RASA1: variants seen among roughly 807,000 people sequenced by gnomAD.
RASA1 encodes RAS p21 protein activator 1.
Under a neutral mutation model 132.2 loss-of-function variants are expected in RASA1, and 25 were observed. That is an observed-to-expected ratio of 0.19 (90% CI 0.14 to 0.26). The LOEUF (loss-of-function observed/expected upper bound fraction) is 0.26, where lower values mean the gene tolerates loss of function less well. RASA1 is among the 10% of genes least tolerant of loss of function. The pLI is 1.00. For synonymous variants in RASA1, 477 were observed against 449.9 expected, an observed-to-expected ratio of 1.06 and a Z score of -0.76; for missense variants, 964 against 1,299.2, an observed-to-expected ratio of 0.74 and a Z score of 3.97.
Position 87,376,912 on chromosome 5 carries a change from A to G in RASA1, c.2216A>G (p.Tyr739Cys), listed in dbSNP as rs780154946. The change falls in exon 17 of 25, where the codon TAT (tyrosine) becomes TGT (cysteine). Residue 739 changes from tyrosine (Y) to cysteine (C), a missense_variant. Tyr to Cys is a radical substitution (Grantham distance 194). Around this residue, in one of 6 missense-constraint regions of RASA1, gnomAD observed 346 missense variants for 520.1 expected, o/e 0.67. Coordinates refer to ENST00000274376, the MANE Select transcript of RASA1 (RefSeq NM_002890.3). ...LILQKELHVV[Y>C]ALSHVCGQDR... ...CTGCAAAAGGAACTTCATGTAGTCT[A>G]TGCTTTATCACATGTATGTGGACAA... is the stretch of plus-strand genomic sequence containing the variant. 1 of 1,610,042 alleles carries G rather than the reference A, an allele frequency of 6.2e-7. No individual in the cohort carries two copies. Among genetic ancestry groups the G allele is most frequent in the Non-Finnish European group, 8.5e-7 (1 of 1,176,274 alleles).
chr5:87,387,695 G>GCAAA (rs1282074277), intron 23 of RASA1, among the ~76,000 whole-genome samples: 3 of 152,062 alleles, frequency 2.0e-5, no homozygotes, highest in Non-Finnish European at 4.4e-5. Context: ...ACAATTTGTG[G>GCAAA]CAAACAAATC....
At chr5:87,282,016 A>T (rs897095375) in intron 1 of RASA1, among the ~76,000 whole-genome samples, 8 of 152,114 alleles carry the variant, frequency 5.3e-5, no homozygotes, top group African/African-American at 1.7e-4. Flanking sequence ...TTTTGTTGAT[A>T]GTGTCTTTTG....
In RASA1 at chr5:87,341,354, A is replaced by G. The variant is rs762992325; in HGVS notation, c.1049+33A>G. 28 of 1,298,966 alleles carry G rather than the reference A, an allele frequency of 2.2e-5. No homozygotes were observed. The East Asian group carries it at 6.8e-4, about 32-fold the overall frequency. The allele number at this position is 1,298,966 out of a possible 1,614,324, so 80.5% of individuals were successfully genotyped here. A position where few individuals can be genotyped will look rare whatever the true frequency, so the allele number is the denominator to read the frequency against. On this transcript the variant is annotated intron_variant, in intron 6 of 24. Coordinates refer to ENST00000274376, the MANE Select transcript of RASA1 (RefSeq NM_002890.3). ...TGTGTTAATTATTAAAATGAAAAAA[A>G]AAATCTATATTGTAAATTTACTAAT...
chr5:87,305,303 A>G (rs1307669481), intron 1 of RASA1, among the ~76,000 whole-genome samples: 1 of 152,188 alleles, frequency 6.6e-6, no homozygotes, highest in Admixed American at 6.5e-5. Context: ...GAACAGAGAC[A>G]TACACCGATG....
intron 22 of RASA1, among the ~76,000 whole-genome samples, chr5:87,385,877 A>G (rs976009877): frequency 2.0e-5 from 3 of 152,038 alleles, no homozygotes; most frequent in Non-Finnish European, 4.4e-5. Flanking sequence ...CTCTTTCACT[A>G]TTCTTAATAA....
chr5:87,271,485 G>GA (rs1753835669), intron 1 of RASA1, among the ~76,000 whole-genome samples: 1 of 9,886 alleles, frequency 1.0e-4, no homozygotes, highest in Admixed American at 1.3e-3. Context: ...TTTTTTTTTT[G>GA]AGAGATGGAG....
chr5:87,280,980 T>G (rs1375390306), intron 1 of RASA1, among the ~76,000 whole-genome samples: 1 of 152,112 alleles, frequency 6.6e-6, no homozygotes, highest in Non-Finnish European at 1.5e-5. Flanking sequence ...TATCACCTTT[T>G]GTTTACCCAG....
At chr5:87,311,631 A>G (rs1389891035) in intron 1 of RASA1, among the ~76,000 whole-genome samples, 1 of 152,352 alleles carries the variant, frequency 6.6e-6, no homozygotes, top group Non-Finnish European at 1.5e-5. Context: ...TGCCGCTCAC[A>G]GCAGCAGTAT....
chr5:87,369,026 C>A lies in RASA1; in HGVS notation c.1611-787C>A, dbSNP rs78087724. Among the ~76,000 whole-genome samples the A allele has an allele frequency of 7.0e-3, 1,068 of 152,222 alleles. 17 individuals are homozygous for A. The highest frequency in any genetic ancestry group is 0.07 in the South Asian group (336 of 4,822). On this transcript the variant is annotated intron_variant, in intron 11 of 24. Transcript: ENST00000274376. ...CATTCTCAAAGCATGAAAATATAGTCTTTATCTTTAATAAGTGTTAAGCTT... is the reference window on the plus strand; with the variant it reads ...CATTCTCAAAGCATGAAAATATAGTATTTATCTTTAATAAGTGTTAAGCTT...
At chr5:87,314,040 A>G (rs1756127566) in intron 1 of RASA1, among the ~76,000 whole-genome samples, 1 of 152,152 alleles carries the variant, frequency 6.6e-6, no homozygotes. Context: ...GTGGTGGCAC[A>G]TGCCTGTAAT....
chr5:87,366,372 G>T (rs1293100728), intron 11 of RASA1: 1 of 431,396 alleles, frequency 2.3e-6, no homozygotes, highest in South Asian at 1.6e-5. Flanking sequence ...TTGGAAGTCT[G>T]TTGGCACAAT....
chr5:87,371,765 C>T (rs931529021), intron 12 of RASA1, among the ~76,000 whole-genome samples: 4 of 152,038 alleles, frequency 2.6e-5, no homozygotes, highest in African/African-American at 9.7e-5. Context: ...TCAAGTATAA[C>T]AGCTTAATTA....
At chr5:87,274,411 T>A (rs1394497960) in intron 1 of RASA1, among the ~76,000 whole-genome samples, 1 of 152,228 alleles carries the variant, frequency 6.6e-6, no homozygotes, top group East Asian at 1.9e-4. Context: ...TGTCACTGAT[T>A]GCATTATACA....
At chr5:87,354,315 C>T (rs1168340239) in intron 9 of RASA1, among the ~76,000 whole-genome samples, 1 of 152,020 alleles carries the variant, frequency 6.6e-6, no homozygotes, top group Non-Finnish European at 1.5e-5. Flanking sequence ...ACGTCTATTG[C>T]GACTGTTTTT....
At chr5:87,364,502 G>GAT (rs921649734) in intron 11 of RASA1, among the ~76,000 whole-genome samples, 1 of 152,076 alleles carries the variant, frequency 6.6e-6, no homozygotes, top group Non-Finnish European at 1.5e-5. Flanking sequence ...ATTTTACGAA[G>GAT]ATACCCTTTT....
chr5:87,353,363 T>G lies in RASA1; in HGVS notation c.1332+128T>G, dbSNP rs1759423492. 1.9e-5 allele frequency: 15 copies of G among 797,780 alleles called. 1 individual carries two copies. In the South Asian group the frequency reaches 2.4e-4, roughly 13 times the overall value. The allele number at this position is 797,780 out of a possible 1,614,324, so 49.4% of individuals were successfully genotyped here. A position where few individuals can be genotyped will look rare whatever the true frequency, so the allele number is the denominator to read the frequency against. On this transcript the variant is annotated intron_variant, in intron 9 of 24. Transcript: ENST00000274376. ...TTAAAACTACAGATTATTTAGATTT[T>G]TTTAGAAAGTCAACTGTAAGAATCT...
intron 7 of RASA1, 52 bp downstream of exon 7, chr5:87,346,776 A>G (rs765496745): frequency 6.7e-6 from 9 of 1,352,856 alleles, no homozygotes; most frequent in Non-Finnish European, 9.5e-6. Context: ...AGAATAAAAA[A>G]GTGAACAAAC....
intron 1 of RASA1, among the ~76,000 whole-genome samples, chr5:87,287,126 A>G (rs1399471979): frequency 1.4e-5 from 2 of 146,616 alleles, no homozygotes; most frequent in African/African-American, 5.0e-5. Context: ...ATATATATAC[A>G]CACCATATAT....
chr5:87,375,082 A>C (rs1275671359), intron 15 of RASA1, among the ~76,000 whole-genome samples, 166 bp downstream of exon 15: 1 of 152,196 alleles, frequency 6.6e-6, no homozygotes, highest in African/African-American at 2.4e-5. Context: ...TCAAGAAAGA[A>C]TATACCTAAG....
Sources: gnomAD v4.1 joint callset for allele counts (sites outside exome capture counted in the v4.1 genomes callset) on GRCh38, gnomAD v4.1.1 for gene constraint, gnomAD v4.1.1 regional missense constraint, MANE v1.5 for transcripts, NCBI Gene and HGNC (gene_info 2026-07-23, HGNC 2026-07-21) for gene names.